The following CADM2 variants were observed in gnomAD, a reference collection of about 807,000 sequenced individuals.
The protein encoded by CADM2 is immunoglobulin superfamily member 4D.
CADM2 carries 12 observed loss-of-function variants against 49.8 expected under a neutral mutation model. That is an observed-to-expected ratio of 0.24 (90% confidence interval 0.15 to 0.39). The LOEUF is 0.39. Among genes scored for constraint, CADM2 ranks in the 10% least tolerant of loss-of-function variants. The probability of loss-of-function intolerance (pLI) is 1.00; values close to 1 mark genes in which losing one functional copy is unlikely to be tolerated. For missense variants in CADM2, 378 were observed against 492.3 expected (o/e 0.77, Z 2.20); for synonymous variants, 214 against 175.4 (o/e 1.22, Z -1.74).
chr3:85,178,123 T>G (rs2040834305), intron 1 of CADM2, among the ~76,000 whole-genome samples: 1 of 151,952 alleles, frequency 6.6e-6, no homozygotes, highest in Non-Finnish European at 1.5e-5. Flanking sequence ...ATGTATATAA[T>G]GCTAGGAGGT....
chr3:85,533,630 G>A (rs1039376957), intron 1 of CADM2, among the ~76,000 whole-genome samples: 11 of 152,136 alleles, frequency 7.2e-5, no homozygotes, highest in Non-Finnish European at 1.6e-4. Context: ...ACTGTTCCAA[G>A]TATTTTTCTC....
At chr3:84,960,114 C>G (rs73843245) in intron 1 of CADM2, 3,779 of 194,560 alleles carry the variant, frequency 0.019, 143 homozygotes, top group African/African-American at 0.084. Flanking sequence ...TTTCTTTTCC[C>G]CCTCTTCCCA....
chr3:85,046,074 A>G (rs1415532292), intron 1 of CADM2, among the ~76,000 whole-genome samples: 1 of 152,046 alleles, frequency 6.6e-6, no homozygotes, highest in Non-Finnish European at 1.5e-5. Context: ...ATGCACTGAG[A>G]AACTTGCAAA....
intron 1 of CADM2, among the ~76,000 whole-genome samples, chr3:85,178,580 A>G (rs2040844887): frequency 6.6e-6 from 1 of 151,986 alleles, no homozygotes; most frequent in African/African-American, 2.4e-5. Flanking sequence ...GTACTGAATA[A>G]AAGTCTGTAG....
intron 1 of CADM2, among the ~76,000 whole-genome samples, chr3:85,249,281 G>A (rs1013904905): frequency 2.6e-5 from 4 of 151,980 alleles, no homozygotes; most frequent in Admixed American, 2.6e-4. Context: ...GCTAATTTTA[G>A]TTAGCTATGA....
chr3:85,523,001 A>G (rs927339914), intron 1 of CADM2, among the ~76,000 whole-genome samples: 1 of 151,854 alleles, frequency 6.6e-6, no homozygotes, highest in African/African-American at 2.4e-5. Context: ...AAGAAAAAAA[A>G]AAAAAAAAGA....
intron 1 of CADM2, among the ~76,000 whole-genome samples, chr3:85,405,961 CAT>C (rs1297317222): frequency 2.6e-5 from 4 of 151,560 alleles, no homozygotes; most frequent in Admixed American, 2.6e-4. Context: ...TAAAAGTAGA[CAT>C]AGATATATGC....
chr3:85,769,147 A>G (rs1185192855), intron 2 of CADM2, among the ~76,000 whole-genome samples: 5 of 67,950 alleles, frequency 7.4e-5, no homozygotes, highest in African/African-American at 4.2e-4. Context: ...GTATATATAC[A>G]CATATATACA....
At chr3:85,264,866 A>G (rs1329667438) in intron 1 of CADM2, among the ~76,000 whole-genome samples, 1 of 152,058 alleles carries the variant, frequency 6.6e-6, no homozygotes, top group South Asian at 2.1e-4. Flanking sequence ...GAAGTTGGCC[A>G]AATTCCTGAA....
At position 85,671,108 on chromosome 3, in the gene CADM2, G is replaced by T. The variant is rs549550116; in HGVS notation, c.62-55414G>T. On this transcript the variant is annotated intron_variant, in intron 1 of 9. Transcript: ENST00000383699. ...AAGTGCTTTGTTGGACAAAAGAACC[G>T]CCAGTTCCTGGAGGTAAATAATGTT... Among the ~76,000 whole-genome samples the T allele has an allele frequency of 7.9e-5, 12 of 152,264 alleles. No individual in the cohort carries two copies. In the South Asian group the frequency reaches 2.3e-3, roughly 29 times the overall value.
intron 1 of CADM2, among the ~76,000 whole-genome samples, chr3:85,676,343 TCTGCC>T (rs1186129270): frequency 6.6e-6 from 1 of 152,204 alleles, no homozygotes; most frequent in Non-Finnish European, 1.5e-5. Flanking sequence ...GCATAAAATA[TCTGCC>T]TTGCTGCTAC....
rs181519322 is a variant in CADM2 at position 85,398,922 on chromosome 3, A to G, written c.62-327600A>G. On this transcript the variant is annotated intron_variant, in intron 1 of 9. Transcript: ENST00000383699. ...TAGTAGCCCTTTGTCAGATGAGTAG[A>G]TTGCAAAAATTTTCTCCCATTCTGT... Among the ~76,000 whole-genome samples the G allele has an allele frequency of 7.9e-5, 12 of 152,148 alleles. No homozygotes were observed. In the East Asian group the frequency reaches 2.3e-3, roughly 29 times the overall value.
intron 1 of CADM2, among the ~76,000 whole-genome samples, chr3:85,311,619 G>T (rs1461163838): frequency 6.6e-6 from 1 of 151,902 alleles, no homozygotes; most frequent in Admixed American, 6.6e-5. Context: ...CTCGTGATCC[G>T]CCCGCCTCGG....
intron 1 of CADM2, among the ~76,000 whole-genome samples, chr3:85,044,260 G>T (rs1191417335): frequency 6.6e-6 from 1 of 152,156 alleles, no homozygotes; most frequent in Admixed American, 6.5e-5. Flanking sequence ...GGCCAAAACT[G>T]TACTGAATAC....
Position 86,034,461 on chromosome 3 carries a change from A to G in CADM2, c.971-31144A>G, listed in dbSNP as rs1449089316. On this transcript the variant is annotated intron_variant, in intron 8 of 9. Coordinates refer to ENST00000383699, the MANE Select transcript of CADM2 (RefSeq NM_001167675.2). Reference sequence around the variant, plus strand: ...AGTCCATCTTGTGAATTAGGAAGTGAGTCTTCACCACACACTAACTCTGTG... The same window carrying G: ...AGTCCATCTTGTGAATTAGGAAGTGGGTCTTCACCACACACTAACTCTGTG... Among the ~76,000 whole-genome samples, 3 of 152,032 alleles carry G rather than the reference A, an allele frequency of 2.0e-5. 1 individual carries two copies. Among genetic ancestry groups the G allele is most frequent in the South Asian group, 2.1e-4 (1 of 4,830 alleles).
intron 1 of CADM2, among the ~76,000 whole-genome samples, chr3:85,089,900 C>A (rs1575840246): frequency 6.6e-6 from 1 of 152,234 alleles, no homozygotes; most frequent in Admixed American, 6.5e-5. Context: ...AATTGAATTT[C>A]TTTTTCCTAC....
chr3:85,945,623 C>T (rs1722577108), intron 7 of CADM2, among the ~76,000 whole-genome samples: 1 of 152,090 alleles, frequency 6.6e-6, no homozygotes, highest in African/African-American at 2.4e-5. Context: ...ACTGGTTCAA[C>T]ATATGAAAAT....
At chr3:86,046,638 C>G (rs1736720631) in intron 8 of CADM2, among the ~76,000 whole-genome samples, 1 of 152,070 alleles carries the variant, frequency 6.6e-6, no homozygotes, top group Non-Finnish European at 1.5e-5. Flanking sequence ...GTCAGTAGGG[C>G]CAAGATTGAG....
At chr3:85,189,878 T>G (rs1461515119) in intron 1 of CADM2, among the ~76,000 whole-genome samples, 1 of 136,398 alleles carries the variant, frequency 7.3e-6, no homozygotes, top group Non-Finnish European at 1.5e-5. Flanking sequence ...TGTCCGGAGA[T>G]ATTATCAGTA....
Sources: allele counts gnomAD v4.1 joint callset (sites outside exome capture counted in the v4.1 genomes callset), GRCh38; gene constraint gnomAD v4.1.1; transcripts MANE v1.5; gene names NCBI Gene and HGNC (gene_info 2026-07-23, HGNC 2026-07-21).